EHMT2: variants seen among roughly 807,000 people sequenced by gnomAD.
EHMT2 encodes the protein euchromatic histone lysine methyltransferase 2, also known as histone-lysine N-methyltransferase EHMT2.
A neutral mutation model predicts 143.3 loss-of-function variants in EHMT2; 59 were observed. The observed-to-expected ratio is 0.41, with a 90% CI of 0.33 to 0.51. EHMT2 has a LOEUF of 0.51. Among genes scored for constraint, EHMT2 ranks in the 20% least tolerant of loss-of-function variants. EHMT2 has a pLI of 0.18. For missense variants in EHMT2, 1,174 were observed against 1,645.9 expected (o/e 0.71, Z 4.96); for synonymous variants, 604 against 651.5 (o/e 0.93, Z 1.11).
chr6:31,880,962 T>TTC lies in EHMT2; in HGVS notation c.3276+51_3276+52insGA. On this transcript the variant is annotated intron_variant, in intron 26 of 27. Transcript: ENST00000375537. This position sits in a 1 kb window ranked among gnomAD's most constrained non-coding sequence, Gnocchi z 6.6. ...TTCCATTTGCTGACTTCCCAGAGGC[T>TTC]CCTGAAAGCCAGCCCTGGGGAGCAG... The TTC allele has an allele frequency of 6.2e-7, 1 of 1,609,290 alleles. No homozygotes were observed. Among genetic ancestry groups the TTC allele is most frequent in the South Asian group, 1.1e-5 (1 of 91,016 alleles).
In EHMT2 at chr6:31,888,626, G is replaced by A. The variant is rs745462510; in HGVS notation, c.1338C>T (p.Cys446=). Reference sequence around the variant, plus strand: ...CTCCGTCCACACTCTCAGTGGCCATGCACTTGTGCCCCGCCCTCTCGCTGA... The same window carrying A: ...CTCCGTCCACACTCTCAGTGGCCATACACTTGTGCCCCGCCCTCTCGCTGA... The change falls in exon 11 of 28, where the codon TGC becomes TGT. Residue 446 remains cysteine (C), a synonymous_variant. Transcript: ENST00000375537. The surrounding 1 kb of genome is among the most constrained non-coding windows in gnomAD (Gnocchi z 7.4). The A allele has an allele frequency of 5.6e-6, 9 of 1,613,286 alleles. No homozygotes were observed. In the Admixed American group the frequency reaches 8.3e-5, roughly 15 times the overall value.
rs1340041497 is a variant in EHMT2, at chr6:31,888,979, G to T, written c.1206C>A (p.Pro402=). The T allele has an allele frequency of 4.4e-6, 7 of 1,599,018 alleles. No homozygotes were observed. Among genetic ancestry groups the T allele is most frequent in the Non-Finnish European group, 5.1e-6 (6 of 1,174,672 alleles). ...GCAATTGGCAATTACCAGCGTGGTT[G>T]GGGGAGAGGGTCCCCTCGCTGGGCA... The change falls in exon 10 of 28, where the codon CCC becomes CCA. Residue 402 remains proline, a synonymous_variant. Transcript: ENST00000375537. This position sits in a 1 kb window ranked among gnomAD's most constrained non-coding sequence, Gnocchi z 7.4.
chr6:31,897,567 G>T, intron 1 of EHMT2, 69 bp downstream of exon 1: 3 of 1,103,072 alleles, frequency 2.7e-6, no homozygotes, highest in Non-Finnish European at 3.3e-6. Flanking sequence ...CCGGAGCATT[G>T]CACGGGCGCG....
rs1765441921 is a variant in EHMT2, at chr6:31,889,712, TG to T, written c.865-111del. On this transcript the variant is annotated intron_variant, in intron 7 of 27. Coordinates refer to ENST00000375537, the Ensembl canonical transcript of EHMT2. This position sits in a 1 kb window ranked among gnomAD's most constrained non-coding sequence, Gnocchi z 5.1. ...CCCGCCACTACCCACGGATGGCTGC[TG>T]GGGATAAGTGTGGGTAGCAGAGGAG... The T allele has an allele frequency of 7.3e-7, 1 of 1,375,032 alleles. No homozygotes were observed. The highest frequency in any genetic ancestry group is 1.8e-5 in the Admixed American group (1 of 54,196). 85.2% of individuals were successfully genotyped at this position (1,375,032 alleles called of 1,614,324 possible). A position where few individuals can be genotyped will look rare whatever the true frequency, so the allele number is the denominator to read the frequency against.
chr6:31,882,840 G>A, intron 24 of EHMT2, 54 bp downstream of exon 24: 1 of 1,611,388 alleles, frequency 6.2e-7, no homozygotes. Flanking sequence ...AGCCCCAGGG[G>A]CAGGGAGGAA....
At chr6:31,886,111 T>G (rs1764813068) in intron 18 of EHMT2, 1 of 154,678 alleles carries the variant, frequency 6.5e-6, no homozygotes. Flanking sequence ...AAGTTTCCCA[T>G]AAAGGAAGCA....
chr6:31,896,545 TAAGA>T, intron 3 of EHMT2, 29 bp from the exon 4 acceptor site: 22 of 1,609,646 alleles, frequency 1.4e-5, no homozygotes, highest in Non-Finnish European at 1.9e-5. Flanking sequence ...AAAGGCAAGA[TAAGA>T]AAGAAGGCAA....
chr6:31,887,994 T>C (rs753704920), intron 13 of EHMT2, 33 bp from the exon 14 acceptor site: 10 of 1,570,334 alleles, frequency 6.4e-6, no homozygotes, highest in East Asian at 2.3e-5. Flanking sequence ...CCAGGAGCAA[T>C]AGGGGTGGGG....
At chr6:31,886,555 G>C (rs1562487970) in intron 18 of EHMT2, 26 bp downstream of exon 18, 1 of 1,596,580 alleles carries the variant, frequency 6.3e-7, no homozygotes, top group African/African-American at 1.3e-5. Context: ...GGGACCCAGA[G>C]GGGCTGGGCT....
intron 7 of EHMT2, 129 bp downstream of exon 7, chr6:31,892,278 C>T: frequency 9.4e-7 from 1 of 1,064,152 alleles, no homozygotes; most frequent in Non-Finnish European, 1.3e-6. Flanking sequence ...CAGCATGGGG[C>T]AATGACTTAG....
At chr6:31,879,772 C>A in exon 28 of EHMT2, 1 of 433,538 alleles carries the variant, frequency 2.3e-6, no homozygotes, top group Non-Finnish European at 4.1e-6. Flanking sequence ...ATTACCAAAC[C>A]CAACATTTAT....
At chr6:31,886,413 C>T (rs1308367882) in intron 18 of EHMT2, 168 bp downstream of exon 18, 10 of 617,688 alleles carry the variant, frequency 1.6e-5, no homozygotes, top group East Asian at 8.3e-5. Context: ...GAGAAAGAAA[C>T]GAGAAAGAAA....
chr6:31,891,129 G>C (rs62395848), intron 7 of EHMT2, among the ~76,000 whole-genome samples: 3,855 of 151,950 alleles, frequency 0.025, 70 homozygotes, highest in Non-Finnish European at 0.035. Flanking sequence ...TTTTTCAGTA[G>C]AGACGGGGTT....
In EHMT2 at chr6:31,887,771, C is replaced by T; in HGVS notation, c.1928+8G>A. 1 of 1,598,890 alleles carries T rather than the reference C, an allele frequency of 6.3e-7. No homozygotes were observed. Among genetic ancestry groups the T allele is most frequent in the Non-Finnish European group, 8.5e-7 (1 of 1,175,010 alleles). On this transcript the variant is annotated splice_region_variant and intron_variant, in intron 14 of 27. Transcript: ENST00000375537. ...CCAGTTGCTGTGCCTGAGCAACTCC[C>T]CACTCACCTCTCTGACTCCTGGATG...
In EHMT2 at chr6:31,881,470, G is replaced by A. The variant is rs749047555; in HGVS notation, c.3198-378C>T. 3 of 340,262 alleles carry A rather than the reference G, an allele frequency of 8.8e-6. No homozygotes were observed. The highest frequency in any genetic ancestry group is 2.1e-5 in the African/African-American group (1 of 48,194). The allele number at this position is 340,262 out of a possible 1,614,324, so 21.1% of individuals were successfully genotyped here. A position where few individuals can be genotyped will look rare whatever the true frequency, so the allele number is the denominator to read the frequency against. ...TGCAGGAAGAGCCAGAGGTACAGGA[G>A]TGGCAAGGAACTCAAGGCATGATTC... On this transcript the variant is annotated intron_variant, in intron 25 of 27. Transcript: ENST00000375537. The surrounding 1 kb of genome is among the most constrained non-coding windows in gnomAD (Gnocchi z 4.8).
At chr6:31,894,809 TTTATTA>T (rs3037244) in intron 4 of EHMT2, among the ~76,000 whole-genome samples, 6 of 150,176 alleles carry the variant, frequency 4.0e-5, no homozygotes, top group Admixed American at 2.0e-4. Context: ...ACCTGGCTAA[TTTATTA>T]TTATTATTAT....
chr6:31,896,489 G>A, exon 4 of EHMT2: 2 of 1,613,026 alleles, frequency 1.2e-6, no homozygotes, highest in Non-Finnish European at 1.7e-6. Flanking sequence ...CTTGCTGGGG[G>A]AAGAGGGGAA....
At chr6:31,885,613 T>C (rs532667676) in intron 18 of EHMT2, 9 of 152,168 alleles carry the variant, frequency 5.9e-5, no homozygotes, top group Non-Finnish European at 1.3e-4. Flanking sequence ...CAGCTACTCA[T>C]GTGACTGAGA....
In EHMT2 at chr6:31,880,434, TG is replaced by T; in HGVS notation, c.3453-171del. 1.1e-6 allele frequency: 1 copy of T among 885,522 alleles called. No homozygotes were observed. The highest frequency in any genetic ancestry group is 1.7e-6 in the Non-Finnish European group (1 of 596,294). 54.9% of individuals were successfully genotyped at this position (885,522 alleles called of 1,614,324 possible). A position where few individuals can be genotyped will look rare whatever the true frequency, so the allele number is the denominator to read the frequency against. On this transcript the variant is annotated intron_variant, in intron 27 of 27. Transcript: ENST00000375537. The surrounding 1 kb of genome is among the most constrained non-coding windows in gnomAD (Gnocchi z 6.6). Reference sequence around the variant, plus strand: ...ATGGACTTTCAGCATCAGCATTGCCTGGGGACTTTTTAGAAATGCAGAATCC... The same window carrying T: ...ATGGACTTTCAGCATCAGCATTGCCTGGGACTTTTTAGAAATGCAGAATCC...
Sources: allele counts gnomAD v4.1 joint callset (sites outside exome capture counted in the v4.1 genomes callset), GRCh38; gene constraint gnomAD v4.1.1; non-coding constraint Gnocchi (gnomAD v3.1); transcripts MANE v1.5; gene names NCBI Gene and HGNC (gene_info 2026-07-23, HGNC 2026-07-21).